Variants in PPFIA2 observed in about 807,000 individuals in gnomAD.
The protein encoded by PPFIA2 is liprin-alpha-2.
A neutral mutation model predicts 175.5 loss-of-function variants in PPFIA2; 46 were observed. The ratio of observed to expected loss-of-function variants is 0.26; its 90% CI spans 0.21 to 0.34. PPFIA2 has a LOEUF of 0.34. PPFIA2 is among the 10% of genes least tolerant of loss of function. The pLI is 1.00. For missense variants in PPFIA2, 1,179 were observed against 1,506.1 expected (o/e 0.78, Z 3.60); for synonymous variants, 568 against 511.4 (o/e 1.11, Z -1.49).
intron 3 of PPFIA2, among the ~76,000 whole-genome samples, chr12:81,733,041 G>A (rs1369450341): frequency 6.6e-6 from 1 of 151,366 alleles, no homozygotes; most frequent in Non-Finnish European, 1.5e-5. Flanking sequence ...GTCTGGCCTT[G>A]TATTTTTGAT....
At chr12:81,511,870 A>G (rs2147814145) in intron 4 of PPFIA2, among the ~76,000 whole-genome samples, 2 of 152,118 alleles carry the variant, frequency 1.3e-5, no homozygotes, top group South Asian at 4.1e-4. Flanking sequence ...TCAAAGAAAG[A>G]GTCCTTTCTT....
chr12:81,739,720 A>G (rs1032642220), intron 3 of PPFIA2, among the ~76,000 whole-genome samples: 2 of 152,144 alleles, frequency 1.3e-5, no homozygotes, highest in African/African-American at 4.8e-5. Context: ...TGGACATAAA[A>G]AGAGAAAATC....
At chr12:81,721,213 A>G (rs1027779183) in intron 3 of PPFIA2, among the ~76,000 whole-genome samples, 13 of 151,198 alleles carry the variant, frequency 8.6e-5, no homozygotes, top group Non-Finnish European at 1.2e-4. Context: ...ACTGTGGAGA[A>G]TCTTTCATGT....
At chr12:81,495,090 T>A (rs973921457) in intron 4 of PPFIA2, among the ~76,000 whole-genome samples, 2 of 151,836 alleles carry the variant, frequency 1.3e-5, no homozygotes, top group Non-Finnish European at 2.9e-5. Flanking sequence ...ACTTAAAGTA[T>A]AATAATAATA....
chr12:81,270,133 T>C (rs771491192), intron 28 of PPFIA2, among the ~76,000 whole-genome samples: 4 of 152,244 alleles, frequency 2.6e-5, no homozygotes, highest in Non-Finnish European at 5.9e-5. Flanking sequence ...GTTTTGTATA[T>C]TTACATGTTG....
Position 81,267,020 on chromosome 12 carries a change from C to T in PPFIA2, c.3487G>A (p.Ala1163Thr), listed in dbSNP as rs1340536753. The change falls in exon 30 of 33, where the codon GCA becomes ACA. Residue 1163 changes from alanine (A) to threonine (T), a missense_variant and splice_region_variant. Transcript: ENST00000549396. ...LLQIPTQNTQ[A>T]RQILEREYNN... is the part of the protein sequence containing the mutation. ...TATTCTCTTTCAAGAATCTGCCTTG[C>T]CTGTTGACGTCAAATTACAGTTACC... is the stretch of plus-strand genomic sequence containing the variant. The T allele has an allele frequency of 1.9e-6, 3 of 1,611,366 alleles. No homozygotes were observed. The highest frequency in any genetic ancestry group is 1.1e-5 in the South Asian group (1 of 90,830).
chr12:81,741,207 G>A (rs1280727992), intron 3 of PPFIA2, among the ~76,000 whole-genome samples: 5 of 152,198 alleles, frequency 3.3e-5, no homozygotes, highest in Non-Finnish European at 7.3e-5. Context: ...CTTCATTCTT[G>A]AAGGGGATTT....
intron 4 of PPFIA2, among the ~76,000 whole-genome samples, chr12:81,479,479 G>T (rs752093465): frequency 6.6e-6 from 1 of 152,266 alleles, no homozygotes; most frequent in African/African-American, 2.4e-5. Context: ...GATGCTAGCT[G>T]GTTATTTTGC....
chr12:81,435,663 T>C (rs2048851145), intron 7 of PPFIA2, among the ~76,000 whole-genome samples: 1 of 152,158 alleles, frequency 6.6e-6, no homozygotes, highest in Non-Finnish European at 1.5e-5. Flanking sequence ...AATCATATAA[T>C]GATGATAGAA....
Position 81,353,261 on chromosome 12 carries a change from T to G in PPFIA2, c.1852A>C (p.Thr618Pro). Reference protein sequence around the residue: ...VLSSHPFESDTEMSDIDDDDR... With the variant: ...VLSSHPFESDPEMSDIDDDDR... ...TCATCATCAATATCAGACATTTCAG[T>G]GTCACTTTCAAAAGGGTGGCTGCTT... Residue 618 changes from threonine to proline, a missense_variant, in exon 17 of 33, where the codon ACT becomes CCT. By Grantham distance (38) the Thr-to-Pro change is conservative. Transcript: ENST00000549396. The G allele has an allele frequency of 1.2e-6, 2 of 1,613,794 alleles. No individual in the cohort carries two copies. Among genetic ancestry groups the G allele is most frequent in the Non-Finnish European group, 1.7e-6 (2 of 1,179,810 alleles).
At chr12:81,419,012 C>A (rs1473774033) in intron 7 of PPFIA2, among the ~76,000 whole-genome samples, 1 of 151,868 alleles carries the variant, frequency 6.6e-6, no homozygotes, top group African/African-American at 2.4e-5. Flanking sequence ...TATTCTCCTT[C>A]TATAGAGGTG....
intron 22 of PPFIA2, chr12:81,311,951 A>G (rs2051013229): frequency 3.5e-6 from 2 of 571,776 alleles, no homozygotes; most frequent in Non-Finnish European, 3.1e-6. Flanking sequence ...CAAGTGCCCA[A>G]AAGCTTACAT....
At chr12:81,294,570 G>T in intron 24 of PPFIA2, 1 of 434,192 alleles carries the variant, frequency 2.3e-6, no homozygotes. Context: ...GTAAGCTCAG[G>T]GTCTTGTCGC....
At chr12:81,437,925 C>G (rs2049382456) in intron 7 of PPFIA2, among the ~76,000 whole-genome samples, 1 of 150,838 alleles carries the variant, frequency 6.6e-6, no homozygotes, top group African/African-American at 2.4e-5. Context: ...GTACCAATCT[C>G]TTATTTCTTT....
chr12:81,538,796 G>T (rs551190608), intron 4 of PPFIA2, among the ~76,000 whole-genome samples: 1 of 151,842 alleles, frequency 6.6e-6, no homozygotes, highest in Non-Finnish European at 1.5e-5. Flanking sequence ...TCGTGTCCAT[G>T]GGTCATTCTA....
chr12:81,613,947 T>G (rs947110797), intron 4 of PPFIA2, among the ~76,000 whole-genome samples: 3 of 152,124 alleles, frequency 2.0e-5, no homozygotes, highest in Non-Finnish European at 4.4e-5. Context: ...CACTTAAACT[T>G]TGGGCTGAAT....
chr12:81,671,745 T>C (rs1567807099), intron 4 of PPFIA2, among the ~76,000 whole-genome samples: 1 of 152,006 alleles, frequency 6.6e-6, no homozygotes, highest in Non-Finnish European at 1.5e-5. Flanking sequence ...TATACTTTAC[T>C]ACATGACGTT....
intron 3 of PPFIA2, among the ~76,000 whole-genome samples, chr12:81,681,165 G>A (rs1350907585): frequency 6.6e-6 from 1 of 151,828 alleles, no homozygotes; most frequent in Non-Finnish European, 1.5e-5. Context: ...GCTTCACACT[G>A]GTATCCTCAA....
chr12:81,729,640 T>C (rs1219529947), intron 3 of PPFIA2, among the ~76,000 whole-genome samples: 1 of 151,538 alleles, frequency 6.6e-6, no homozygotes, highest in Non-Finnish European at 1.5e-5. Flanking sequence ...TAATTAAGGT[T>C]ACGGAATTTA....
Sources: gnomAD v4.1 joint callset for allele counts (sites outside exome capture counted in the v4.1 genomes callset) on GRCh38, gnomAD v4.1.1 for gene constraint, MANE v1.5 for transcripts, NCBI Gene and HGNC (gene_info 2026-07-23, HGNC 2026-07-21) for gene names.